Variants in TBX15 observed in about 807,000 individuals in gnomAD.
The protein encoded by TBX15 is T-box transcription factor TBX15.
TBX15 carries 18 observed loss-of-function variants against 53.9 expected under a neutral mutation model. The observed-to-expected ratio is 0.33, with a 90% CI of 0.23 to 0.49. TBX15 has a LOEUF of 0.49. Ranked by LOEUF, TBX15 falls within the 20% of genes least tolerant of loss-of-function variation. TBX15 has a pLI of 0.98. For synonymous variants in TBX15, 295 were observed against 278.0 expected, an observed-to-expected ratio of 1.06 and a Z score of -0.61; for missense variants, 692 against 749.5, an observed-to-expected ratio of 0.92 and a Z score of 0.90.
intron 1 of TBX15, among the ~76,000 whole-genome samples, chr1:118,950,747 G>T (rs1286222337): frequency 6.6e-6 from 1 of 152,298 alleles, no homozygotes; most frequent in East Asian, 1.9e-4. Context: ...AACTCAGAAT[G>T]TCAGCTATGT....
At chr1:118,913,248 A>G (rs1358211534) in intron 6 of TBX15, among the ~76,000 whole-genome samples, 1 of 152,016 alleles carries the variant, frequency 6.6e-6, no homozygotes, top group East Asian at 1.9e-4. Flanking sequence ...AAAAAAATCT[A>G]TTAAAATAAA....
intron 1 of TBX15, among the ~76,000 whole-genome samples, chr1:118,933,429 T>C (rs1655866246): frequency 6.6e-6 from 1 of 150,596 alleles, no homozygotes; most frequent in Non-Finnish European, 1.5e-5. Context: ...GTAGTCACTA[T>C]CTTCATTCTC....
chr1:118,939,472 C>T (rs865778440), intron 1 of TBX15, among the ~76,000 whole-genome samples: 189 of 122,826 alleles, frequency 1.5e-3, no homozygotes, highest in African/African-American at 5.5e-3. Flanking sequence ...ATCTCATGTT[C>T]TTTTATAAGT....
rs869094141 is a variant in TBX15, at chr1:118,939,407, C to CAAAAAAAAAAAAAAAAAAAAA, written c.206-7596_206-7576dup. ...AGGGCAACAGAATGAGATCTAGTCT[C>CAAAAAAAAAAAAAAAAAAAAA]AAAAAAAAAAAAAAAAAAAAAAAAA... On this transcript the variant is annotated intron_variant, in intron 1 of 7. Transcript: ENST00000369429. Among the ~76,000 whole-genome samples the CAAAAAAAAAAAAAAAAAAAAA allele has an allele frequency of 6.8e-4, 6 of 8,882 alleles. 1 individual carries two copies. Among genetic ancestry groups the CAAAAAAAAAAAAAAAAAAAAA allele is most frequent in the Admixed American group, 1.9e-3 (1 of 532 alleles). 5.8% of individuals were successfully genotyped at this position (8,882 alleles called of 152,430 possible). A position where few individuals can be genotyped will look rare whatever the true frequency, so the allele number is the denominator to read the frequency against.
At chr1:118,924,928 G>T in intron 3 of TBX15, 111 bp from the exon 4 acceptor site, 1 of 1,142,532 alleles carries the variant, frequency 8.8e-7, no homozygotes, top group Non-Finnish European at 1.3e-6. Flanking sequence ...GAGATTACAT[G>T]AATGGAGAAG....
intron 5 of TBX15, among the ~76,000 whole-genome samples, chr1:118,923,171 T>C (rs543285845): frequency 6.6e-6 from 1 of 152,090 alleles, no homozygotes; most frequent in Non-Finnish European, 1.5e-5. Flanking sequence ...GAATTTGAGA[T>C]GGTTTAATAG....
At chr1:118,989,312 A>C (rs944991823), upstream of TBX15, 1 of 152,172 alleles carries the variant, frequency 6.6e-6, no homozygotes. Context: ...ATTTCTAAGG[A>C]ATTAAAAAAT....
At chr1:118,900,279 C>T (rs376370753) in intron 6 of TBX15, among the ~76,000 whole-genome samples, 11 of 152,244 alleles carry the variant, frequency 7.2e-5, no homozygotes, top group Admixed American at 5.2e-4. Flanking sequence ...GATTAGCTTC[C>T]CCTTTTGAGA....
chr1:118,948,585 T>A (rs1656415308), intron 1 of TBX15, among the ~76,000 whole-genome samples: 1 of 152,172 alleles, frequency 6.6e-6, no homozygotes, highest in Non-Finnish European at 1.5e-5. Context: ...GTGCAATTCT[T>A]CTCTCAAAGC....
chr1:118,956,893 G>A (rs10923707), intron 1 of TBX15, among the ~76,000 whole-genome samples: 48,035 of 151,154 alleles, frequency 0.32, 8,797 homozygotes, highest in East Asian at 0.57. Flanking sequence ...AACCCGGGAG[G>A]CGGAGTTTGC....
intron 1 of TBX15, among the ~76,000 whole-genome samples, chr1:118,933,060 G>A (rs1655852368): frequency 6.6e-6 from 1 of 152,116 alleles, no homozygotes; most frequent in Admixed American, 6.5e-5. Context: ...TAGTAAGATG[G>A]AAAAGAATGG....
intron 1 of TBX15, among the ~76,000 whole-genome samples, chr1:118,969,106 T>C (rs150125528): frequency 7.2e-5 from 11 of 152,324 alleles, no homozygotes; most frequent in Non-Finnish European, 1.3e-4. Flanking sequence ...CCCCAGATTA[T>C]CTGCACCATG....
chr1:118,949,050 C>T (rs1656431585), intron 1 of TBX15, among the ~76,000 whole-genome samples: 1 of 152,092 alleles, frequency 6.6e-6, no homozygotes, highest in Non-Finnish European at 1.5e-5. Flanking sequence ...CAGCTCTAGC[C>T]ATTTGAATGT....
At chr1:118,936,225 G>A (rs1252421192) in intron 1 of TBX15, among the ~76,000 whole-genome samples, 1 of 152,114 alleles carries the variant, frequency 6.6e-6, no homozygotes, top group Non-Finnish European at 1.5e-5. Context: ...ACAGCTTAGA[G>A]ACCACCAAGT....
At chr1:118,978,489 T>C (rs1203127259) in intron 1 of TBX15, among the ~76,000 whole-genome samples, 1 of 152,222 alleles carries the variant, frequency 6.6e-6, no homozygotes, top group Non-Finnish European at 1.5e-5. Flanking sequence ...GCCTCATCAG[T>C]GGCTATAAAA....
At chr1:118,986,046 C>A (rs765620110) in intron 1 of TBX15, among the ~76,000 whole-genome samples, 37 of 152,346 alleles carry the variant, frequency 2.4e-4, no homozygotes, top group Non-Finnish European at 4.6e-4. Flanking sequence ...AAAACTTCCC[C>A]GGGACAGGAC....
intron 7 of TBX15, among the ~76,000 whole-genome samples, chr1:118,898,746 T>C (rs917161420): frequency 3.9e-5 from 6 of 152,192 alleles, no homozygotes; most frequent in African/African-American, 1.4e-4. Flanking sequence ...ATGTGAATGC[T>C]TAGCAATATT....
At chr1:118,887,742 C>G (rs947500199) in intron 7 of TBX15, among the ~76,000 whole-genome samples, 1 of 149,842 alleles carries the variant, frequency 6.7e-6, no homozygotes, top group Non-Finnish European at 1.5e-5. Flanking sequence ...GTGCTAAGGA[C>G]ACAGGGGTCC....
In TBX15 at chr1:118,932,076, G is replaced by C. The variant is rs145402535; in HGVS notation, c.206-244C>G. ...AACATGACATCTGGCATTTTAGTAAGTTTTAGCAACAGCTGAAGAAAATTG... is the reference window on the plus strand; with the variant it reads ...AACATGACATCTGGCATTTTAGTAACTTTTAGCAACAGCTGAAGAAAATTG... On this transcript the variant is annotated intron_variant, in intron 1 of 7. Coordinates refer to ENST00000369429, the MANE Select transcript of TBX15 (RefSeq NM_001330677.2). Among the ~76,000 whole-genome samples the C allele has an allele frequency of 2.2e-4, 34 of 152,198 alleles. No homozygotes were observed. The East Asian group carries it at 5.4e-3, about 24-fold the overall frequency.
Sources: gnomAD v4.1 joint callset for allele counts (sites outside exome capture counted in the v4.1 genomes callset) on GRCh38, gnomAD v4.1.1 for gene constraint, MANE v1.5 for transcripts, NCBI Gene and HGNC (gene_info 2026-07-23, HGNC 2026-07-21) for gene names.